Variants in ABCG1 observed in about 807,000 individuals in gnomAD.
The protein encoded by ABCG1 is ATP-binding cassette sub-family G member 1.
In ABCG1, 29 loss-of-function variants were observed where a neutral mutation model predicts 69.2. The observed-to-expected ratio is 0.42, with a 90% CI of 0.31 to 0.57. ABCG1 has a LOEUF of 0.57. Among genes scored for constraint, ABCG1 ranks in the 20% least tolerant of loss-of-function variants. ABCG1 has a pLI of 0.15. For missense variants in ABCG1, 718 were observed against 898.1 expected, an observed-to-expected ratio of 0.80 and a Z score of 2.56; for synonymous variants, 370 against 374.8, an observed-to-expected ratio of 0.99 and a Z score of 0.15.
chr21:42,208,300 T>C (rs578227682), intron 2 of ABCG1, among the ~76,000 whole-genome samples: 4 of 151,932 alleles, frequency 2.6e-5, no homozygotes, highest in African/African-American at 7.3e-5. Context: ...CTGGGACATA[T>C]GATGCAAAAC....
At chr21:42,252,998 G>A (rs1354270039) in intron 2 of ABCG1, among the ~76,000 whole-genome samples, 2 of 152,176 alleles carry the variant, frequency 1.3e-5, no homozygotes, top group Non-Finnish European at 2.9e-5. Context: ...GCACCTGGCA[G>A]GAGAGACTCG....
intron 3 of ABCG1, among the ~76,000 whole-genome samples, chr21:42,272,818 CGGG>C (rs2068639856): frequency 6.6e-6 from 1 of 152,220 alleles, no homozygotes; most frequent in African/African-American, 2.4e-5. Flanking sequence ...TGAGCTGGTC[CGGG>C]CCCCAGGCCC....
chr21:42,256,717 A>G, intron 2 of ABCG1: 1 of 1,409,614 alleles, frequency 7.1e-7, no homozygotes, highest in Non-Finnish European at 9.3e-7. Context: ...ATCTGGGAGC[A>G]TTGCAGGAAT....
intron 2 of ABCG1, among the ~76,000 whole-genome samples, chr21:42,251,817 T>C (rs1396032687): frequency 6.6e-6 from 1 of 152,214 alleles, no homozygotes; most frequent in Non-Finnish European, 1.5e-5. Flanking sequence ...ACGCCAGCAC[T>C]GGCCTTGGGC....
chr21:42,241,615 AAT>A (rs201997692), intron 2 of ABCG1, among the ~76,000 whole-genome samples: 5 of 104,128 alleles, frequency 4.8e-5, no homozygotes, highest in Non-Finnish European at 7.5e-5. Context: ...AAAAAAAAAA[AAT>A]AACAAAAAAA....
intron 2 of ABCG1, among the ~76,000 whole-genome samples, chr21:42,228,577 GA>G (rs1337797440): frequency 6.6e-6 from 1 of 152,222 alleles, no homozygotes; most frequent in African/African-American, 2.4e-5. Flanking sequence ...TCCTGGGCTT[GA>G]AAGGGGCAGG....
intron 2 of ABCG1, among the ~76,000 whole-genome samples, chr21:42,240,943 G>A (rs146340319): frequency 1.6e-3 from 243 of 152,386 alleles, no homozygotes; most frequent in African/African-American, 5.3e-3. Context: ...GTGCGTTCCC[G>A]CACCACCCAG....
chr21:42,231,648 A>C (rs1483695007), intron 2 of ABCG1, among the ~76,000 whole-genome samples: 2 of 152,228 alleles, frequency 1.3e-5, no homozygotes, highest in Non-Finnish European at 2.9e-5. Context: ...ATTCCAACCA[A>C]GTGCTAGTGA....
In ABCG1 at chr21:42,276,130, A is replaced by C. The variant is rs1444261906; in HGVS notation, c.538-765A>C. 1.3e-5 allele frequency among the ~76,000 whole-genome samples: 2 copies of C among 152,122 alleles called. No homozygotes were observed. Among genetic ancestry groups the C allele is most frequent in the Non-Finnish European group, 2.9e-5 (2 of 68,022 alleles). ...GGAAATGGAGGTTGCACGTTTGCCCAAGGCCACGGGAGGCAGGAGGGTGGA... is the reference window on the plus strand; with the variant it reads ...GGAAATGGAGGTTGCACGTTTGCCCCAGGCCACGGGAGGCAGGAGGGTGGA... On this transcript the variant is annotated intron_variant, in intron 4 of 14. Coordinates refer to ENST00000398449, the MANE Select transcript of ABCG1 (RefSeq NM_016818.3). This position sits in a 1 kb window ranked among gnomAD's most constrained non-coding sequence, Gnocchi z 5.3.
chr21:42,228,738 C>T (rs1024370424), intron 2 of ABCG1, among the ~76,000 whole-genome samples: 7 of 152,178 alleles, frequency 4.6e-5, no homozygotes, highest in Non-Finnish European at 7.3e-5. Flanking sequence ...ACAGGATTTC[C>T]TGCTGTTGGT....
chr21:42,241,711 G>T (rs772708267), intron 2 of ABCG1, among the ~76,000 whole-genome samples: 1 of 151,896 alleles, frequency 6.6e-6, no homozygotes, highest in African/African-American at 2.4e-5. Context: ...GCCCTGCTGG[G>T]TGCAGTAGCT....
At chr21:42,235,138 C>G (rs1040399548) in intron 2 of ABCG1, among the ~76,000 whole-genome samples, 1 of 152,220 alleles carries the variant, frequency 6.6e-6, no homozygotes, top group Admixed American at 6.5e-5. Context: ...GTCCAGGAAG[C>G]CTGAGAGCGC....
upstream of ABCG1, among the ~76,000 whole-genome samples, chr21:42,214,115 A>G (rs76165082): frequency 0.052 from 7,882 of 152,290 alleles, 647 homozygotes; most frequent in African/African-American, 0.18. Context: ...GGTTCCCCCT[A>G]AATTTATTTG....
intron 2 of ABCG1, among the ~76,000 whole-genome samples, chr21:42,243,318 T>G (rs2123607453): frequency 6.6e-6 from 1 of 152,320 alleles, no homozygotes; most frequent in East Asian, 1.9e-4. Flanking sequence ...GGTGGTGGAC[T>G]GCTGCACGCC....
chr21:42,260,060 C>A (rs2068379834), intron 2 of ABCG1: 1 of 1,550,570 alleles, frequency 6.4e-7, no homozygotes, highest in South Asian at 1.2e-5. Flanking sequence ...TGGTCGCTAT[C>A]AGTGGCAAAG....
chr21:42,281,951 T>G (rs559528098), intron 5 of ABCG1, among the ~76,000 whole-genome samples: 16 of 152,368 alleles, frequency 1.1e-4, no homozygotes, highest in African/African-American at 3.8e-4. Flanking sequence ...GTGAGGAACG[T>G]GCCCTGGGCA....
At position 42,296,658 on chromosome 21, in the gene ABCG1, C is replaced by T. The variant is rs1254773345; in HGVS notation, c.*266C>T. ...TTTTTAACATACAGAATTTTAAATA[C>T]CACAACTGGGGCAGAATTTAAAGCT... is the stretch of plus-strand genomic sequence containing the variant. On this transcript the variant is annotated 3_prime_UTR_variant, in exon 15 of 15. Transcript: ENST00000398449. The surrounding 1 kb of genome is among the most constrained non-coding windows in gnomAD (Gnocchi z 5.4). 4.4e-6 allele frequency: 2 copies of T among 452,614 alleles called. No individual in the cohort carries two copies. Among genetic ancestry groups the T allele is most frequent in the African/African-American group, 4.0e-5 (2 of 50,306 alleles). 28.0% of individuals were successfully genotyped at this position (452,614 alleles called of 1,614,324 possible).
At chr21:42,225,030 C>G (rs536213237) in intron 1 of ABCG1, among the ~76,000 whole-genome samples, 11 of 151,638 alleles carry the variant, frequency 7.3e-5, no homozygotes, top group African/African-American at 2.4e-4. Context: ...CTTAAATTGT[C>G]TATATCTCAG....
intron 2 of ABCG1, among the ~76,000 whole-genome samples, chr21:42,229,609 A>G (rs1157225059): frequency 6.6e-6 from 1 of 152,054 alleles, no homozygotes; most frequent in African/African-American, 2.4e-5. Context: ...AATCCCAGCT[A>G]CTCGGGAGGC....
Sources: gnomAD v4.1 joint callset for allele counts (sites outside exome capture counted in the v4.1 genomes callset) on GRCh38, gnomAD v4.1.1 for gene constraint, Gnocchi (gnomAD v3.1) non-coding constraint, MANE v1.5 for transcripts, NCBI Gene and HGNC (gene_info 2026-07-23, HGNC 2026-07-21) for gene names.